Variants in PTPN18 observed in about 807,000 individuals in gnomAD.
PTPN18 encodes protein tyrosine phosphatase non-receptor type 18.
In PTPN18, 65 loss-of-function variants were observed where a neutral mutation model predicts 65.4. The ratio of observed to expected loss-of-function variants is 0.99; its 90% CI spans 0.81 to 1.22. The LOEUF is 1.22. PTPN18 is among the 50% of genes most tolerant of loss of function. PTPN18 has a pLI of 0.00. For missense variants in PTPN18, 616 were observed against 646.5 expected, an observed-to-expected ratio of 0.95 and a Z score of 0.51; for synonymous variants, 255 against 267.8, an observed-to-expected ratio of 0.95 and a Z score of 0.47.
chr2:130,369,109 C>G (rs775258856), intron 5 of PTPN18, 24 bp from the exon 6 acceptor site: 6 of 1,594,552 alleles, frequency 3.8e-6, no homozygotes, highest in Non-Finnish European at 5.1e-6. Flanking sequence ...TCACTCCCTG[C>G]CTTTTCTCCC....
At chr2:130,366,613 A>G (rs567388880) in intron 5 of PTPN18, among the ~76,000 whole-genome samples, 8 of 152,300 alleles carry the variant, frequency 5.3e-5, no homozygotes, top group Admixed American at 1.3e-4. Flanking sequence ...AGCCTCATAC[A>G]ATATGTTGGG....
chr2:130,356,986 T>C (rs1448295121), intron 1 of PTPN18, among the ~76,000 whole-genome samples: 1 of 151,892 alleles, frequency 6.6e-6, no homozygotes, highest in Non-Finnish European at 1.5e-5. Context: ...AGCTCAGGAG[T>C]TCGAGACCAG....
intron 8 of PTPN18, 125 bp downstream of exon 8, chr2:130,370,315 A>C: frequency 7.2e-7 from 1 of 1,398,406 alleles, no homozygotes. Context: ...CTCACCCTCC[A>C]TGGACTGTAA....
At chr2:130,362,298 GTC>G (rs1680241601) in intron 5 of PTPN18, 5 of 340,890 alleles carry the variant, frequency 1.5e-5, no homozygotes, top group South Asian at 8.5e-5. Flanking sequence ...TAATCTGACA[GTC>G]TCTGCCTTTA....
intron 1 of PTPN18, 45 bp from the exon 2 acceptor site, chr2:130,358,822 C>T (rs753420938): frequency 1.9e-6 from 3 of 1,538,708 alleles, no homozygotes; most frequent in Admixed American, 1.7e-5. Flanking sequence ...CCTGGCTCCT[C>T]TCCTGTCTTC....
Position 130,371,291 on chromosome 2 carries a change from C to T in PTPN18, c.1013+4C>T. ...GCCCACCAGGAGGGGTCCTCAGGTA[C>T]CCGGCTCCATCCCCGGATTCTTCCC... On this transcript the variant is annotated splice_donor_region_variant and intron_variant, in intron 12 of 14. Coordinates refer to ENST00000175756, the MANE Select transcript of PTPN18 (RefSeq NM_014369.4). The T allele has an allele frequency of 1.3e-6, 2 of 1,577,710 alleles. No individual in the cohort carries two copies. The highest frequency in any genetic ancestry group is 1.7e-6 in the Non-Finnish European group (2 of 1,154,050).
At chr2:130,363,109 G>A (rs1018407081) in intron 5 of PTPN18, among the ~76,000 whole-genome samples, 5 of 149,650 alleles carry the variant, frequency 3.3e-5, no homozygotes, top group East Asian at 4.1e-4. Context: ...ATGAGCCACC[G>A]TGCCCGGCCT....
rs1311756155 is a variant in PTPN18, at chr2:130,374,582, C to G, written c.*1358C>G. The G allele has an allele frequency of 4.3e-6, 2 of 470,182 alleles. No homozygotes were observed. Among genetic ancestry groups the G allele is most frequent in the Non-Finnish European group, 8.8e-6 (2 of 226,666 alleles). The allele number at this position is 470,182 out of a possible 1,614,324, so 29.1% of individuals were successfully genotyped here. ...ACACGTCTCTGTGCACTGGTGTGGA[C>G]AAATCTCCAAGTCACTGCAAAATGG... On this transcript the variant is annotated 3_prime_UTR_variant, in exon 15 of 15. Transcript: ENST00000175756.
rs57039741 is a variant in PTPN18 at position 130,367,050 on chromosome 2, A to ATTT, written c.415-2057_415-2055dup. ...TTGCCAACACACCTAGCTAATTTTA[A>ATTT]TTTTTTTTTTTTTTTTTTTTTTTTT... On this transcript the variant is annotated intron_variant, in intron 5 of 14. Coordinates refer to ENST00000175756, the MANE Select transcript of PTPN18 (RefSeq NM_014369.4). Among the ~76,000 whole-genome samples, 106 of 104,200 alleles carry ATTT rather than the reference A, an allele frequency of 1.0e-3. 2 individuals carry two copies. The highest frequency in any genetic ancestry group is 3.3e-3 in the African/African-American group (93 of 27,840). 68.4% of individuals were successfully genotyped at this position (104,200 alleles called of 152,430 possible). A position where few individuals can be genotyped will look rare whatever the true frequency, so the allele number is the denominator to read the frequency against.
chr2:130,363,021 G>A lies in PTPN18; in HGVS notation c.414+3375G>A, dbSNP rs1254594442. Among the ~76,000 whole-genome samples the A allele has an allele frequency of 6.6e-5, 10 of 151,136 alleles. No individual in the cohort carries two copies. The East Asian group carries it at 1.2e-3, about 18-fold the overall frequency. Reference sequence around the variant, plus strand: ...TTTTTAGTAGAGACGGGGTTTCACCGTGTTAGCCAGGATGGTCTCAATCTC... The same window carrying A: ...TTTTTAGTAGAGACGGGGTTTCACCATGTTAGCCAGGATGGTCTCAATCTC... On this transcript the variant is annotated intron_variant, in intron 5 of 14. Transcript: ENST00000175756.
At chr2:130,361,235 T>A (rs1352808581) in intron 5 of PTPN18, among the ~76,000 whole-genome samples, 2 of 152,238 alleles carry the variant, frequency 1.3e-5, no homozygotes. Context: ...AGGTCAAGTT[T>A]GTCAACAGCA....
chr2:130,364,965 C>CAG (rs370468539), intron 5 of PTPN18, among the ~76,000 whole-genome samples: 7 of 150,550 alleles, frequency 4.6e-5, no homozygotes, highest in African/African-American at 7.3e-5. Flanking sequence ...TTCCCATCAG[C>CAG]AGAGAGAGAG....
intron 12 of PTPN18, 30 bp downstream of exon 12, chr2:130,371,317 T>C: frequency 6.6e-7 from 1 of 1,518,270 alleles, no homozygotes; most frequent in Non-Finnish European, 9.0e-7. Context: ...GATTCTTCCC[T>C]GCCCAATTTC....
At chr2:130,372,192 G>A in intron 12 of PTPN18, 65 bp from the exon 13 acceptor site, 2 of 1,449,574 alleles carry the variant, frequency 1.4e-6, no homozygotes. Flanking sequence ...GCGCTGAGCA[G>A]CCTCCCCACT....
intron 12 of PTPN18, 70 bp from the exon 13 acceptor site, chr2:130,372,187 G>T: frequency 7.0e-7 from 1 of 1,431,138 alleles, no homozygotes; most frequent in South Asian, 1.2e-5. Context: ...TTTGCGCGCT[G>T]AGCAGCCTCC....
chr2:130,367,191 A>G (rs577557365), intron 5 of PTPN18, among the ~76,000 whole-genome samples: 3 of 149,840 alleles, frequency 2.0e-5, no homozygotes, highest in Non-Finnish European at 4.4e-5. Context: ...TGAAGAGCTT[A>G]CTCTAATATT....
intron 12 of PTPN18, chr2:130,371,898 A>C: frequency 4.1e-6 from 1 of 245,912 alleles, no homozygotes; most frequent in Non-Finnish European, 7.8e-6. Flanking sequence ...CGGACATGGG[A>C]TTGAGCCGCC....
At position 130,373,118 on chromosome 2, in the gene PTPN18, A is replaced by T. The variant is rs920331828; in HGVS notation, c.1316-39A>T. 3.9e-6 allele frequency: 6 copies of T among 1,556,880 alleles called. No homozygotes were observed. In the Admixed American group the frequency reaches 1.1e-4, roughly 29 times the overall value. ...ATGTCTGCCAGCTTCCACACACCTC[A>T]GCTTCTCCATGAGACCCACGGCACC... On this transcript the variant is annotated intron_variant, in intron 14 of 14. Transcript: ENST00000175756. The surrounding 1 kb of genome is among the most constrained non-coding windows in gnomAD (Gnocchi z 4.1).
Position 130,356,128 on chromosome 2 carries a change from G to C in PTPN18, c.21G>C (p.Ser7=), listed in dbSNP as rs1679958679. 2 of 1,308,066 alleles carry C rather than the reference G, an allele frequency of 1.5e-6. No individual in the cohort carries two copies. The highest frequency in any genetic ancestry group is 1.9e-6 in the Non-Finnish European group (2 of 1,032,108). 81.0% of individuals were successfully genotyped at this position (1,308,066 alleles called of 1,614,324 possible). A position where few individuals can be genotyped will look rare whatever the true frequency, so the allele number is the denominator to read the frequency against. The change falls in exon 1 of 15, where the codon TCG becomes TCC. Residue 7 remains serine (S), a synonymous_variant. Transcript: ENST00000175756. MSRSLD[S]ARSFLERLEA... ...GCGCCATGAGCCGCAGCCTGGACTCGGCGCGGAGCTTCCTGGAGCGGCTGG... is the reference window on the plus strand; with the variant it reads ...GCGCCATGAGCCGCAGCCTGGACTCCGCGCGGAGCTTCCTGGAGCGGCTGG...
Sources: gnomAD v4.1 joint callset for allele counts (sites outside exome capture counted in the v4.1 genomes callset) on GRCh38, gnomAD v4.1.1 for gene constraint, Gnocchi (gnomAD v3.1) non-coding constraint, MANE v1.5 for transcripts, NCBI Gene and HGNC (gene_info 2026-07-23, HGNC 2026-07-21) for gene names.